The following RNASE4 variants were observed in gnomAD, a reference collection of about 807,000 sequenced individuals.
RNASE4 encodes ribonuclease A family member 4, also known as ribonuclease 4.
For synonymous variants in RNASE4, 93 were observed against 71.4 expected (o/e 1.30, Z -1.52); for missense variants, 194 against 192.8 (o/e 1.01, Z -0.04).
chr14:20,687,903 C>T (rs1286223094), intron 1 of RNASE4, among the ~76,000 whole-genome samples: 3 of 152,162 alleles, frequency 2.0e-5, no homozygotes, highest in African/African-American at 7.2e-5. Context: ...ATAACACTGT[C>T]CTAGATCCAA....
chr14:20,694,306 T>G (rs1012252527), intron 1 of RNASE4: 2 of 395,354 alleles, frequency 5.1e-6, no homozygotes, highest in Non-Finnish European at 9.1e-6. Context: ...CGTTTTTTTT[T>G]TTTTTTTTTT....
At position 20,693,825 on chromosome 14, in the gene RNASE4, C is replaced by A. The variant is rs770801799; in HGVS notation, c.-17-5530C>A. 21 of 1,614,076 alleles carry A rather than the reference C, an allele frequency of 1.3e-5. No homozygotes were observed. Among genetic ancestry groups the A allele is most frequent in the Middle Eastern group, 1.6e-4 (1 of 6,084 alleles). On this transcript the variant is annotated intron_variant, in intron 1 of 1. Coordinates refer to ENST00000555835, the MANE Select transcript of RNASE4 (RefSeq NM_002937.5). The stretch of plus-strand genomic sequence containing the variant: ...CCATCTGTGAAAACAAGAATGGAAA[C>A]CCTCACAGAGAAAACCTAAGAATAA...
Position 20,700,724 on chromosome 14 carries a change from A to C in RNASE4, c.*909A>C, listed in dbSNP as rs1887265118. The C allele has an allele frequency of 1.2e-5, 2 of 165,736 alleles. No homozygotes were observed. Among genetic ancestry groups the C allele is most frequent in the Admixed American group, 6.5e-5 (1 of 15,276 alleles). 10.3% of individuals were successfully genotyped at this position (165,736 alleles called of 1,614,324 possible). A position where few individuals can be genotyped will look rare whatever the true frequency, so the allele number is the denominator to read the frequency against. ...AAGACTAATGCCTATCAGATCCATG[A>C]CCACAACACAGAAGATTTGTCTCAT... On this transcript the variant is annotated 3_prime_UTR_variant, in exon 2 of 2. Transcript: ENST00000555835.
chr14:20,687,404 A>G (rs1051637046), intron 1 of RNASE4, among the ~76,000 whole-genome samples: 9 of 152,236 alleles, frequency 5.9e-5, no homozygotes, highest in Admixed American at 2.0e-4. Flanking sequence ...GCACTACTGC[A>G]GAACTCTAAA....
At chr14:20,685,253 C>G (rs1296735283) in intron 1 of RNASE4, among the ~76,000 whole-genome samples, 1 of 152,176 alleles carries the variant, frequency 6.6e-6, no homozygotes, top group Admixed American at 6.5e-5. Flanking sequence ...TGCCAACAGC[C>G]TCTTCTCTAA....
chr14:20,686,656 G>A (rs908549305), intron 1 of RNASE4, among the ~76,000 whole-genome samples: 3 of 152,216 alleles, frequency 2.0e-5, no homozygotes, highest in African/African-American at 7.2e-5. Flanking sequence ...GGAAATACAG[G>A]CATGTCAGCA....
intron 1 of RNASE4, among the ~76,000 whole-genome samples, chr14:20,694,671 T>C (rs1887016930): frequency 6.6e-6 from 1 of 152,196 alleles, no homozygotes; most frequent in African/African-American, 2.4e-5. Flanking sequence ...AAGGAAAGTA[T>C]GGTATGTTGA....
intron 1 of RNASE4, 86 bp from the exon 2 acceptor site, chr14:20,699,269 T>A: frequency 1.8e-6 from 2 of 1,135,306 alleles, no homozygotes; most frequent in Non-Finnish European, 1.2e-6. Context: ...GACTATGGAG[T>A]CAGGATGCCG....
At position 20,699,405 on chromosome 14, in the gene RNASE4, C is replaced by T. The variant is rs149640495; in HGVS notation, c.34C>T (p.Leu12Phe). The T allele has an allele frequency of 5.0e-6, 8 of 1,607,610 alleles. No individual in the cohort carries two copies. Among genetic ancestry groups the T allele is most frequent in the Non-Finnish European group, 6.8e-6 (8 of 1,175,924 alleles). ...ALQRTHSLLL[L>F]LLLTLLGLGL... ...GCAGAGGACCCATTCATTGCTTCTGCTTTTGCTGCTGACCCTGCTGGGGCT... is the reference window on the plus strand; with the variant it reads ...GCAGAGGACCCATTCATTGCTTCTGTTTTTGCTGCTGACCCTGCTGGGGCT... The change falls in exon 2 of 2, where the codon CTT (leucine) becomes TTT (phenylalanine). Residue 12 changes from leucine to phenylalanine, a missense_variant. Leu to Phe is a conservative substitution (Grantham distance 22, BLOSUM62 0). Coordinates refer to ENST00000555835, the MANE Select transcript of RNASE4 (RefSeq NM_002937.5).
At chr14:20,686,801 T>C (rs1886446180) in intron 1 of RNASE4, among the ~76,000 whole-genome samples, 1 of 152,246 alleles carries the variant, frequency 6.6e-6, no homozygotes, top group African/African-American at 2.4e-5. Context: ...AGACCTAAAG[T>C]GTTAGAATAA....
chr14:20,688,631 A>C, intron 1 of RNASE4: 1 of 927,142 alleles, frequency 1.1e-6, no homozygotes, highest in Non-Finnish European at 1.3e-6. Context: ...CAGGTGGGTT[A>C]ATATCTAACC....
At chr14:20,689,173 G>T (rs1265345078) in intron 1 of RNASE4, among the ~76,000 whole-genome samples, 3 of 152,178 alleles carry the variant, frequency 2.0e-5, no homozygotes, top group Admixed American at 6.5e-5. Context: ...CTCCCCCGTC[G>T]TCCACCCCTG....
At chr14:20,691,723 T>G (rs1210159981) in intron 1 of RNASE4, among the ~76,000 whole-genome samples, 1 of 152,240 alleles carries the variant, frequency 6.6e-6, no homozygotes, top group African/African-American at 2.4e-5. Flanking sequence ...ATTTTTTCAT[T>G]CCACAATAAT....
chr14:20,685,445 T>G (rs1242242076), intron 1 of RNASE4, among the ~76,000 whole-genome samples: 1 of 152,096 alleles, frequency 6.6e-6, no homozygotes, highest in Non-Finnish European at 1.5e-5. Context: ...AATCTTATAA[T>G]CAAGTCATAA....
In RNASE4 at chr14:20,699,472, A is replaced by G; in HGVS notation, c.101A>G (p.Gln34Arg). The G allele has an allele frequency of 6.2e-7, 1 of 1,614,042 alleles. No individual in the cohort carries two copies. The highest frequency in any genetic ancestry group is 8.5e-7 in the Non-Finnish European group (1 of 1,180,012). Residue 34 changes from glutamine to arginine, a missense_variant, in exon 2 of 2, where the codon CAG becomes CGG. Coordinates refer to ENST00000555835, the MANE Select transcript of RNASE4 (RefSeq NM_002937.5). The part of the protein sequence containing the change: ...QPSYGQDGMY[Q>R]RFLRQHVHPE... ...TCCTATGGCCAGGATGGCATGTACC[A>G]GCGATTCCTGCGGCAACACGTGCAC... is the stretch of plus-strand genomic sequence containing the variant.
In RNASE4 at chr14:20,693,600, C is replaced by T. The variant is rs756615766; in HGVS notation, c.-17-5755C>T. 8.1e-6 allele frequency: 13 copies of T among 1,613,748 alleles called. No homozygotes were observed. In the Admixed American group the frequency reaches 1.0e-4, roughly 12 times the overall value. On this transcript the variant is annotated intron_variant, in intron 1 of 1. Coordinates refer to ENST00000555835, the MANE Select transcript of RNASE4 (RefSeq NM_002937.5). ...GCCTGGGCGTTTTGTTGTTGGTCTT[C>T]GTGCTGGGTCTGGGTCTGACCCCAC...
chr14:20,694,794 T>C (rs1412484735), intron 1 of RNASE4, among the ~76,000 whole-genome samples: 3 of 152,204 alleles, frequency 2.0e-5, no homozygotes, highest in Non-Finnish European at 4.4e-5. Context: ...TCTACAAATA[T>C]GAGACCTTGG....
At chr14:20,690,957 G>A (rs997015494) in intron 1 of RNASE4, among the ~76,000 whole-genome samples, 23 of 152,316 alleles carry the variant, frequency 1.5e-4, no homozygotes, top group Admixed American at 3.9e-4. Flanking sequence ...CAACAGGTCG[G>A]TCTTTATTTT....
At chr14:20,691,634 A>C (rs542003324) in intron 1 of RNASE4, among the ~76,000 whole-genome samples, 2 of 152,356 alleles carry the variant, frequency 1.3e-5, no homozygotes, top group Middle Eastern at 6.8e-3. Context: ...TAGAGATAGC[A>C]ACTCTCTCAA....
Sources: gnomAD v4.1 joint callset for allele counts (sites outside exome capture counted in the v4.1 genomes callset) on GRCh38, gnomAD v4.1.1 for gene constraint, MANE v1.5 for transcripts, NCBI Gene and HGNC (gene_info 2026-07-23, HGNC 2026-07-21) for gene names.